TTLL1: variants seen among roughly 807,000 people sequenced by gnomAD.
The protein encoded by TTLL1 is TTL family tubulin polyglutamylase complex subunit L1, also known as polyglutamylase complex subunit TTLL1.
In TTLL1, 33 loss-of-function variants were observed where a neutral mutation model predicts 47.8. That is an observed-to-expected ratio of 0.69 (90% CI 0.52 to 0.92). The LOEUF (loss-of-function observed/expected upper bound fraction) is 0.92, where lower values mean the gene tolerates loss of function less well. Among genes scored for constraint, TTLL1 ranks in the 40% least tolerant of loss-of-function variants. TTLL1 has a pLI of 0.00. For synonymous variants in TTLL1, 225 were observed against 214.1 expected, an observed-to-expected ratio of 1.05 and a Z score of -0.45; for missense variants, 488 against 547.5, an observed-to-expected ratio of 0.89 and a Z score of 1.08.
intron 1 of TTLL1, among the ~76,000 whole-genome samples, chr22:43,085,132 A>G (rs998346656): frequency 6.6e-6 from 1 of 151,824 alleles, no homozygotes; most frequent in African/African-American, 2.4e-5. Context: ...GCATGCCACC[A>G]TGCCCGGCTA....
At chr22:43,051,252 G>A (rs1228793838) in intron 9 of TTLL1, among the ~76,000 whole-genome samples, 2 of 152,258 alleles carry the variant, frequency 1.3e-5, no homozygotes, top group Non-Finnish European at 2.9e-5. Context: ...CACTGTGGCT[G>A]AGGTCGCACC....
intron 5 of TTLL1, among the ~76,000 whole-genome samples, chr22:43,065,013 C>T (rs568345554): frequency 6.6e-6 from 1 of 151,516 alleles, no homozygotes; most frequent in Admixed American, 6.6e-5. Context: ...GGCATGGGGG[C>T]GGGTGCCTGT....
intron 10 of TTLL1, among the ~76,000 whole-genome samples, chr22:43,043,270 G>C (rs1168629533): frequency 6.6e-6 from 1 of 151,964 alleles, no homozygotes; most frequent in Non-Finnish European, 1.5e-5. Flanking sequence ...GGGAAATGGC[G>C]AGTCTGGCCC....
chr22:43,060,823 G>A (rs564754243), intron 7 of TTLL1, among the ~76,000 whole-genome samples: 1 of 152,310 alleles, frequency 6.6e-6, no homozygotes, highest in South Asian at 2.1e-4. Context: ...TGAGAACCAT[G>A]AACTAAAACA....
intron 3 of TTLL1, among the ~76,000 whole-genome samples, chr22:43,074,437 AAAAAAAAAAG>A (rs1928347450): frequency 1.3e-5 from 2 of 151,728 alleles, no homozygotes; most frequent in South Asian, 2.1e-4. Context: ...CAAAAAAAAA[AAAAAAAAAAG>A]AAAGAAAGAA....
At chr22:43,047,641 G>C (rs576258175) in intron 9 of TTLL1, among the ~76,000 whole-genome samples, 43 of 152,144 alleles carry the variant, frequency 2.8e-4, no homozygotes, top group African/African-American at 1.0e-3. Context: ...GCTAATACTT[G>C]TATTTTCAGT....
chr22:43,040,949 G>A lies in TTLL1; in HGVS notation c.1143-1044C>T, dbSNP rs566025295. Among the ~76,000 whole-genome samples the A allele has an allele frequency of 8.0e-4, 122 of 152,268 alleles. 1 individual carries two copies. Among genetic ancestry groups the A allele is most frequent in the African/African-American group, 2.7e-3 (112 of 41,562 alleles). On this transcript the variant is annotated intron_variant, in intron 10 of 10. Transcript: ENST00000266254. ...CAGTGGCGGGGCCCTTCTCTCACGG[G>A]GTCCTGGAGCATGGTCGTTGCTGCC...
At chr22:43,082,054 G>T (rs1043448511) in intron 1 of TTLL1, among the ~76,000 whole-genome samples, 1 of 151,196 alleles carries the variant, frequency 6.6e-6, no homozygotes, top group African/African-American at 2.4e-5. Context: ...GTTTCACCAT[G>T]TTTACCAGGC....
intron 1 of TTLL1, among the ~76,000 whole-genome samples, chr22:43,081,259 GC>G (rs977221653): frequency 6.6e-6 from 1 of 151,958 alleles, no homozygotes; most frequent in African/African-American, 2.4e-5. Flanking sequence ...GCGCATCAAA[GC>G]CCCCCATCCA....
chr22:43,065,789 G>T (rs1319944813), intron 5 of TTLL1, among the ~76,000 whole-genome samples: 1 of 152,042 alleles, frequency 6.6e-6, no homozygotes, highest in Non-Finnish European at 1.5e-5. Flanking sequence ...GCTGATAAGG[G>T]GGGAGGCCGT....
chr22:43,057,394 G>A (rs1328937732), intron 8 of TTLL1, among the ~76,000 whole-genome samples: 7 of 151,996 alleles, frequency 4.6e-5, no homozygotes, highest in African/African-American at 1.7e-4. Flanking sequence ...ACAGGCGTGA[G>A]CCACTGTGCC....
chr22:43,051,875 T>C lies in TTLL1; in HGVS notation c.904A>G (p.Asn302Asp). ...TAGCATTCAAAGCAGTGCTTGTCAT[T>C]GTTCATCACCGGCTGGAGAGAGAGT... The part of the protein sequence containing the change: ...SLKAVAPVMN[N>D]DKHCFECYGY... Residue 302 changes from asparagine (N) to aspartate (D), a missense_variant, in exon 9 of 11, where the codon AAT becomes GAT. Transcript: ENST00000266254. The C allele has an allele frequency of 6.2e-7, 1 of 1,613,956 alleles. No homozygotes were observed. Among genetic ancestry groups the C allele is most frequent in the Non-Finnish European group, 8.5e-7 (1 of 1,179,982 alleles).
rs988429886 is a variant in TTLL1 at position 43,055,339 on chromosome 22, C to CT, written c.892-3453dup. ...GCCACGTCTGTCTATAGTTTTCTTT[C>CT]TTTTTTTTTTGAGACAAGGTCTCAC... On this transcript the variant is annotated intron_variant, in intron 8 of 10. Transcript: ENST00000266254. Among the ~76,000 whole-genome samples the CT allele has an allele frequency of 2.2e-3, 317 of 144,222 alleles. 2 individuals carry two copies. Among genetic ancestry groups the CT allele is most frequent in the Middle Eastern group, 7.9e-3 (2 of 252 alleles). The allele number at this position is 144,222 out of a possible 152,430, so 94.6% of individuals were successfully genotyped here.
intron 3 of TTLL1, among the ~76,000 whole-genome samples, chr22:43,073,021 C>T (rs201355928): frequency 6.9e-6 from 1 of 145,040 alleles, no homozygotes; most frequent in African/African-American, 2.5e-5. Context: ...TGCAATTATT[C>T]TTTTTTTTTT....
intron 5 of TTLL1, among the ~76,000 whole-genome samples, chr22:43,065,366 T>C (rs940903291): frequency 2.0e-4 from 30 of 151,844 alleles, no homozygotes; most frequent in Non-Finnish European, 5.9e-5. Flanking sequence ...CTTGGCTCAC[T>C]GCAACCTCCA....
chr22:43,060,363 C>T lies in TTLL1; in HGVS notation c.748-836G>A, dbSNP rs148394463. Among the ~76,000 whole-genome samples the T allele has an allele frequency of 9.8e-3, 1,500 of 152,288 alleles. 14 individuals are homozygous for T. The highest frequency in any genetic ancestry group is 0.031 in the Middle Eastern group (9 of 294). On this transcript the variant is annotated intron_variant, in intron 7 of 10. Coordinates refer to ENST00000266254, the MANE Select transcript of TTLL1 (RefSeq NM_012263.5). Reference sequence around the variant, plus strand: ...GTCTGGCTGATGCCAGGTGTCAGCCCCTGCTCCCTCCAGGACAGCTCTGCA... The same window carrying T: ...GTCTGGCTGATGCCAGGTGTCAGCCTCTGCTCCCTCCAGGACAGCTCTGCA...
chr22:43,082,968 C>T (rs1928994500), intron 1 of TTLL1, among the ~76,000 whole-genome samples: 1 of 150,860 alleles, frequency 6.6e-6, no homozygotes, highest in Admixed American at 6.6e-5. Context: ...GAGCCGAGAT[C>T]GTGCCATTGC....
At chr22:43,088,057 A>C (rs1395896281) in intron 1 of TTLL1, among the ~76,000 whole-genome samples, 1 of 151,388 alleles carries the variant, frequency 6.6e-6, no homozygotes, top group African/African-American at 2.4e-5. Flanking sequence ...CTGAGGCAGG[A>C]GAATCGCTTG....
At chr22:43,067,626 G>A (rs1927824843) in intron 5 of TTLL1, among the ~76,000 whole-genome samples, 1 of 152,134 alleles carries the variant, frequency 6.6e-6, no homozygotes, top group South Asian at 2.1e-4. Context: ...CCACGTGACA[G>A]ATGACGCACG....
Sources: gnomAD v4.1 joint callset for allele counts (sites outside exome capture counted in the v4.1 genomes callset) on GRCh38, gnomAD v4.1.1 for gene constraint, MANE v1.5 for transcripts, NCBI Gene and HGNC (gene_info 2026-07-23, HGNC 2026-07-21) for gene names.